The following TENT4B variants were observed in gnomAD, a reference collection of about 807,000 sequenced individuals.
TENT4B encodes the protein terminal nucleotidyltransferase 4B, also known as PAP associated domain containing 5.
TENT4B carries 10 observed loss-of-function variants against 75.0 expected under a neutral mutation model. That is an observed-to-expected ratio of 0.13 (90% CI 0.08 to 0.23). The LOEUF (loss-of-function observed/expected upper bound fraction) is 0.23. TENT4B is among the 10% of genes least tolerant of loss of function. The pLI, the probability that TENT4B is intolerant of heterozygous loss-of-function variation, is 1.00. For missense variants in TENT4B, 579 were observed against 893.8 expected (o/e 0.65, Z 4.49); for synonymous variants, 350 against 357.7 (o/e 0.98, Z 0.24).
intron 6 of TENT4B, among the ~76,000 whole-genome samples, chr16:50,222,728 A>G (rs1169274064): frequency 6.6e-6 from 1 of 152,248 alleles, no homozygotes; most frequent in African/African-American, 2.4e-5. Context: ...AAGCATAAAT[A>G]GTATAAATGC....
At chr16:50,186,633 T>C (rs1236936182) in intron 1 of TENT4B, among the ~76,000 whole-genome samples, 1 of 152,236 alleles carries the variant, frequency 6.6e-6, no homozygotes, top group Non-Finnish European at 1.5e-5. Context: ...ATGATAATTC[T>C]ATGTTTAACT....
rs372957671 is a variant in TENT4B, at chr16:50,229,310, C to G, written c.2124C>G (p.Leu708=). Residue 708 remains leucine (L), a synonymous_variant, in exon 12 of 12, where the codon CTC becomes CTG. Coordinates refer to ENST00000561678, the MANE Select transcript of TENT4B (RefSeq NM_001365324.3). ...GGAAACACAAGAGGGACGCGCCCCT[C>G]TCAGACCTCTGTAGATAGTCAGCGC... ...KKRKHKRDAP[L]SDLCR 2 of 1,613,390 alleles carry G rather than the reference C, an allele frequency of 1.2e-6. No individual in the cohort carries two copies. The highest frequency in any genetic ancestry group is 1.7e-6 in the Non-Finnish European group (2 of 1,179,602).
At chr16:50,161,452 A>C (rs2038001240) in intron 1 of TENT4B, among the ~76,000 whole-genome samples, 2 of 152,232 alleles carry the variant, frequency 1.3e-5, no homozygotes, top group African/African-American at 4.8e-5. Context: ...AATTAAATTA[A>C]GGAATTCTAG....
chr16:50,153,198 GAGCGAGA>G (rs1350282949), upstream of TENT4B, among the ~76,000 whole-genome samples: 251 of 97,052 alleles, frequency 2.6e-3, no homozygotes, highest in Middle Eastern at 0.027. Flanking sequence ...GGGGGGGGCG[GAGCGAGA>G]GGGGCGGAGC....
chr16:50,165,714 T>C (rs372757089), intron 1 of TENT4B, among the ~76,000 whole-genome samples: 12 of 152,236 alleles, frequency 7.9e-5, no homozygotes, highest in Non-Finnish European at 1.5e-4. Context: ...CTCAAACTTA[T>C]CTGTTTCCAA....
Position 50,233,427 on chromosome 16 carries a change from CTT to C in TENT4B, c.*4100_*4101del. 1.0e-6 allele frequency: 1 copy of C among 985,298 alleles called. No homozygotes were observed. The highest frequency in any genetic ancestry group is 1.2e-6 in the Non-Finnish European group (1 of 829,908). The allele number at this position is 985,298 out of a possible 1,614,324, so 61.0% of individuals were successfully genotyped here. ...AGAAGTTATTTACATGATTTGAAAA[CTT>C]GACCTAACTGGAAGCCTTTTTCTCA... On this transcript the variant is annotated 3_prime_UTR_variant, in exon 12 of 12. Coordinates refer to ENST00000561678, the MANE Select transcript of TENT4B (RefSeq NM_001365324.3).
chr16:50,167,914 C>T (rs139713114), intron 1 of TENT4B, among the ~76,000 whole-genome samples: 44 of 152,272 alleles, frequency 2.9e-4, no homozygotes, highest in African/African-American at 1.1e-3. Flanking sequence ...ATCTCGGCCT[C>T]CCCAAGTGCT....
At chr16:50,154,461 C>G (rs765334283) in intron 1 of TENT4B, among the ~76,000 whole-genome samples, 14 of 152,124 alleles carry the variant, frequency 9.2e-5, no homozygotes, top group Non-Finnish European at 1.9e-4. Flanking sequence ...CGTCCACACC[C>G]TCCGTCTCCT....
At chr16:50,203,235 C>T (rs1567502019) in intron 1 of TENT4B, among the ~76,000 whole-genome samples, 1 of 152,078 alleles carries the variant, frequency 6.6e-6, no homozygotes, top group Non-Finnish European at 1.5e-5. Flanking sequence ...TGTATGTCAT[C>T]ATCTGTATTT....
At chr16:50,194,896 C>T (rs574323951) in intron 1 of TENT4B, among the ~76,000 whole-genome samples, 1 of 151,746 alleles carries the variant, frequency 6.6e-6, no homozygotes, top group South Asian at 2.1e-4. Flanking sequence ...CTACAGGCGC[C>T]CGCCACCATG....
Position 50,214,253 on chromosome 16 carries a change from T to G in TENT4B, c.795T>G (p.Leu265=). 1 of 1,591,066 alleles carries G rather than the reference T, an allele frequency of 6.3e-7. No individual in the cohort carries two copies. The highest frequency in any genetic ancestry group is 8.6e-7 in the Non-Finnish European group (1 of 1,161,652). The change falls in exon 3 of 12, where the codon CTT becomes CTG. Residue 265 remains leucine (L), a synonymous_variant. Coordinates refer to ENST00000561678, the MANE Select transcript of TENT4B (RefSeq NM_001365324.3). ...VQIFGSFKTG[L]YLPTSDIDLV... ...TATTTGGAAGTTTTAAAACTGGACTTTATTTACCTACTAGGTTAGTACACT... is the reference window on the plus strand; with the variant it reads ...TATTTGGAAGTTTTAAAACTGGACTGTATTTACCTACTAGGTTAGTACACT...
intron 1 of TENT4B, among the ~76,000 whole-genome samples, chr16:50,185,048 GA>G (rs2038499463): frequency 6.6e-6 from 1 of 152,200 alleles, no homozygotes; most frequent in South Asian, 2.1e-4. Context: ...GAGAAAGAGA[GA>G]GAGGCGCTAG....
At chr16:50,160,523 T>C (rs1405164939) in intron 1 of TENT4B, among the ~76,000 whole-genome samples, 1 of 152,186 alleles carries the variant, frequency 6.6e-6, no homozygotes, top group African/African-American at 2.4e-5. Context: ...GCATGCCAGA[T>C]GGCCTTACAT....
chr16:50,228,077 T>G, intron 11 of TENT4B, 74 bp downstream of exon 11: 2 of 1,520,202 alleles, frequency 1.3e-6, no homozygotes, highest in Admixed American at 2.0e-5. Context: ...GTAAATAATA[T>G]GCAGCATGGG....
At chr16:50,214,599 T>C (rs2031454177) in intron 3 of TENT4B, among the ~76,000 whole-genome samples, 1 of 152,102 alleles carries the variant, frequency 6.6e-6, no homozygotes, top group Non-Finnish European at 1.5e-5. Flanking sequence ...AAGGTTGCAG[T>C]GAGCCGAGAT....
chr16:50,172,180 C>T (rs909662273), intron 1 of TENT4B, among the ~76,000 whole-genome samples: 6 of 152,064 alleles, frequency 3.9e-5, no homozygotes, highest in Non-Finnish European at 7.4e-5. Context: ...TAGAACCCCA[C>T]CTCTACTAAA....
Position 50,234,616 on chromosome 16 carries a change from T to G in TENT4B, c.*5288T>G, listed in dbSNP as rs2032391868. On this transcript the variant is annotated 3_prime_UTR_variant, in exon 12 of 12. Transcript: ENST00000561678. ...TAAGATCCTCTCTGATTTTTGCATA[T>G]TGAAACTTACAGAAGTCACTTTAAA... is the stretch of plus-strand genomic sequence containing the variant. 1 of 985,060 alleles carries G rather than the reference T, an allele frequency of 1.0e-6. No individual in the cohort carries two copies. Among genetic ancestry groups the G allele is most frequent in the African/African-American group, 1.7e-5 (1 of 57,358 alleles). The allele number at this position is 985,060 out of a possible 1,614,324, so 61.0% of individuals were successfully genotyped here.
intron 1 of TENT4B, among the ~76,000 whole-genome samples, chr16:50,169,305 T>C (rs1385508326): frequency 1.3e-5 from 2 of 151,866 alleles, no homozygotes; most frequent in African/African-American, 4.8e-5. Flanking sequence ...ATTCCTCTGG[T>C]ATCAGTTTAC....
Position 50,223,337 on chromosome 16 carries a change from T to A in TENT4B, c.1331T>A (p.Leu444Gln). 1.9e-6 allele frequency: 3 copies of A among 1,613,694 alleles called. No homozygotes were observed. Among genetic ancestry groups the A allele is most frequent in the Non-Finnish European group, 2.5e-6 (3 of 1,179,726 alleles). Residue 444 changes from leucine (L) to glutamine (Q), a missense_variant, in exon 7 of 12, where the codon CTA (leucine) becomes CAA (glutamine). Around this residue, in one of 7 missense-constraint regions of TENT4B, gnomAD observed 71 missense variants for 210.6 expected, o/e 0.34. Transcript: ENST00000561678. ...AAAGATGAAGTACAGAAAAATATGC[T>A]AGATGGCTACAGGCCATCAATGCTT... ...VAKDEVQKNM[L>Q]DGYRPSMLYI...
Sources: allele counts gnomAD v4.1 joint callset (sites outside exome capture counted in the v4.1 genomes callset), GRCh38; gene constraint gnomAD v4.1.1; regional missense constraint gnomAD v4.1.1; transcripts MANE v1.5; gene names NCBI Gene and HGNC (gene_info 2026-07-23, HGNC 2026-07-21).